KCND2: variants seen among roughly 807,000 people sequenced by gnomAD.
KCND2 encodes the protein A-type voltage-gated potassium channel KCND2.
KCND2 carries 16 observed loss-of-function variants against 54.4 expected under a neutral mutation model. The ratio of observed to expected loss-of-function variants is 0.29; its 90% confidence interval spans 0.20 to 0.45. The LOEUF (loss-of-function observed/expected upper bound fraction) is 0.45. Ranked by LOEUF, KCND2 falls within the 20% of genes least tolerant of loss-of-function variation. The pLI, the probability that KCND2 is intolerant of heterozygous loss-of-function variation, is 1.00. For synonymous variants in KCND2, 317 were observed against 310.7 expected (o/e 1.02, Z -0.21); for missense variants, 486 against 824.2 (o/e 0.59, Z 5.02).
chr7:120,484,169 G>A (rs529826019), intron 1 of KCND2, among the ~76,000 whole-genome samples: 167 of 152,202 alleles, frequency 1.1e-3, no homozygotes, highest in African/African-American at 3.1e-3. Context: ...TAGGAAATGC[G>A]GGCAGGACTC....
At chr7:120,548,399 C>G (rs1792068561) in intron 1 of KCND2, among the ~76,000 whole-genome samples, 2 of 152,066 alleles carry the variant, frequency 1.3e-5, no homozygotes, top group Admixed American at 1.3e-4. Context: ...AAGTAGAGTT[C>G]TTCTTTAGTT....
At chr7:120,546,323 G>C (rs1274735935) in intron 1 of KCND2, among the ~76,000 whole-genome samples, 1 of 151,930 alleles carries the variant, frequency 6.6e-6, no homozygotes, top group African/African-American at 2.4e-5. Flanking sequence ...TCAGCGTAAT[G>C]CTGTTCTTTC....
In KCND2 at chr7:120,405,347, T is replaced by C. The variant is rs181109903; in HGVS notation, c.1115+129600T>C. On this transcript the variant is annotated intron_variant, in intron 1 of 5. Transcript: ENST00000331113. The stretch of plus-strand genomic sequence containing the variant: ...TGGTGAATCCCACTTGAGTTTCTAA[T>C]GTCTTCTCCTGACATTTCTTCAGGA... Among the ~76,000 whole-genome samples the C allele has an allele frequency of 1.4e-3, 219 of 152,298 alleles. 1 individual carries two copies. The highest frequency in any genetic ancestry group is 5.2e-3 in the African/African-American group (216 of 41,578).
At chr7:120,659,889 C>T (rs990900563) in intron 1 of KCND2, among the ~76,000 whole-genome samples, 2 of 152,120 alleles carry the variant, frequency 1.3e-5, no homozygotes, top group Non-Finnish European at 2.9e-5. Context: ...AGCAGACCCA[C>T]GTAGTTCAAA....
intron 1 of KCND2, among the ~76,000 whole-genome samples, chr7:120,631,946 T>C (rs2116516214): frequency 6.6e-6 from 1 of 152,278 alleles, no homozygotes. Context: ...GTATTCAGTA[T>C]GTTGTGGCTT....
At chr7:120,451,760 T>C (rs192945665) in intron 1 of KCND2, among the ~76,000 whole-genome samples, 4 of 152,316 alleles carry the variant, frequency 2.6e-5, no homozygotes, top group Admixed American at 2.6e-4. Flanking sequence ...AGAGATGAAA[T>C]TTATTCACCA....
chr7:120,647,056 A>C (rs1260527604), intron 1 of KCND2, among the ~76,000 whole-genome samples: 1 of 152,252 alleles, frequency 6.6e-6, no homozygotes, highest in Non-Finnish European at 1.5e-5. Context: ...CTGAAATATC[A>C]TGAAGTAATA....
chr7:120,512,517 C>A (rs1803133451), intron 1 of KCND2, among the ~76,000 whole-genome samples: 1 of 151,832 alleles, frequency 6.6e-6, no homozygotes, highest in Admixed American at 6.6e-5. Context: ...ATAGTCTTAA[C>A]AATTCACTTT....
intron 1 of KCND2, among the ~76,000 whole-genome samples, chr7:120,314,072 A>G (rs1799778935): frequency 6.6e-6 from 1 of 151,472 alleles, no homozygotes; most frequent in Non-Finnish European, 1.5e-5. Flanking sequence ...GTAAATACAA[A>G]AAAAAAAAAG....
intron 1 of KCND2, among the ~76,000 whole-genome samples, chr7:120,429,362 A>G (rs1174634044): frequency 6.6e-6 from 1 of 152,226 alleles, no homozygotes; most frequent in East Asian, 1.9e-4. Flanking sequence ...AATGCCCTTG[A>G]TAAAGAAGTA....
intron 1 of KCND2, among the ~76,000 whole-genome samples, chr7:120,388,256 A>G (rs1293769705): frequency 6.6e-6 from 1 of 152,084 alleles, no homozygotes; most frequent in Non-Finnish European, 1.5e-5. Context: ...CTATAAATCC[A>G]TAGTTTTAAG....
rs116332930 is a variant in KCND2 at position 120,692,762 on chromosome 7, C to T, written c.1116-40141C>T. Among the ~76,000 whole-genome samples, 727 of 152,296 alleles carry T rather than the reference C, an allele frequency of 4.8e-3. 4 individuals are homozygous for T. Among genetic ancestry groups the T allele is most frequent in the African/African-American group, 0.017 (688 of 41,570 alleles). ...TCTCTATTCTCTCCAAGCCAGAGGG[C>T]CTGGGAGAGGATTCAGCCCCTGTGG... On this transcript the variant is annotated intron_variant, in intron 1 of 5. Coordinates refer to ENST00000331113, the MANE Select transcript of KCND2 (RefSeq NM_012281.3).
intron 1 of KCND2, among the ~76,000 whole-genome samples, chr7:120,363,437 A>G (rs1263538648): frequency 6.6e-6 from 1 of 152,068 alleles, no homozygotes; most frequent in African/African-American, 2.4e-5. Flanking sequence ...CTATCCTTCC[A>G]ATTTCCAGGA....
chr7:120,677,918 T>C (rs1167273972), intron 1 of KCND2, among the ~76,000 whole-genome samples: 2 of 152,110 alleles, frequency 1.3e-5, no homozygotes, highest in Non-Finnish European at 2.9e-5. Flanking sequence ...ATAGCAACTG[T>C]TGTTTTAGGG....
intron 1 of KCND2, among the ~76,000 whole-genome samples, chr7:120,677,096 C>A (rs1282674724): frequency 2.0e-5 from 3 of 152,122 alleles, no homozygotes; most frequent in Non-Finnish European, 4.4e-5. Context: ...CTCGGGAACT[C>A]TATCAGTGAT....
chr7:120,533,514 A>C (rs1562865972), intron 1 of KCND2, among the ~76,000 whole-genome samples: 1 of 152,132 alleles, frequency 6.6e-6, no homozygotes. Flanking sequence ...AATATGCTGC[A>C]TCTGGCTCAG....
At position 120,463,741 on chromosome 7, in the gene KCND2, T is replaced by G. The variant is rs538510864; in HGVS notation, c.1115+187994T>G. 6.6e-5 allele frequency among the ~76,000 whole-genome samples: 10 copies of G among 152,228 alleles called. No homozygotes were observed. The East Asian group carries it at 1.6e-3, about 24-fold the overall frequency. ...TATCTTGGTTTATCAAAATTGAAGGTGACATCGCAGATTATATTATTCCTA... is the reference window on the plus strand; with the variant it reads ...TATCTTGGTTTATCAAAATTGAAGGGGACATCGCAGATTATATTATTCCTA... On this transcript the variant is annotated intron_variant, in intron 1 of 5. Coordinates refer to ENST00000331113, the MANE Select transcript of KCND2 (RefSeq NM_012281.3).
chr7:120,350,894 T>C (rs545985255), intron 1 of KCND2, among the ~76,000 whole-genome samples: 50 of 152,248 alleles, frequency 3.3e-4, no homozygotes, highest in Non-Finnish European at 6.3e-4. Flanking sequence ...AAATTACTTA[T>C]AAACTGAAAC....
chr7:120,662,994 C>T (rs1791884528), intron 1 of KCND2, among the ~76,000 whole-genome samples: 2 of 152,170 alleles, frequency 1.3e-5, no homozygotes, highest in East Asian at 1.9e-4. Flanking sequence ...TTTATTGATC[C>T]TCAGCTGTCC....
Sources: allele counts gnomAD v4.1 joint callset (sites outside exome capture counted in the v4.1 genomes callset), GRCh38; gene constraint gnomAD v4.1.1; transcripts MANE v1.5; gene names NCBI Gene and HGNC (gene_info 2026-07-23, HGNC 2026-07-21).